Variants in CLCN3 observed in about 807,000 individuals in gnomAD.
The protein encoded by CLCN3 is H(+)/Cl(-) exchange transporter 3.
In CLCN3, 16 loss-of-function variants were observed where a neutral mutation model predicts 83.4. The observed-to-expected ratio is 0.19, with a 90% CI of 0.13 to 0.29. The LOEUF (loss-of-function observed/expected upper bound fraction) is 0.29, where lower values mean the gene tolerates loss of function less well. CLCN3 is among the 10% of genes least tolerant of loss of function. CLCN3 has a pLI of 1.00. For missense variants in CLCN3, 544 were observed against 1,006.0 expected, an observed-to-expected ratio of 0.54 and a Z score of 6.21; for synonymous variants, 322 against 346.2, an observed-to-expected ratio of 0.93 and a Z score of 0.78.
chr4:169,689,304 A>G, intron 5 of CLCN3, 74 bp downstream of exon 5: 4 of 1,274,992 alleles, frequency 3.1e-6, no homozygotes, highest in Non-Finnish European at 4.4e-6. Context: ...TAATTATAGA[A>G]CTAATCACAT....
chr4:169,712,349 T>TA (rs2150273873), intron 11 of CLCN3, among the ~76,000 whole-genome samples: 2 of 152,272 alleles, frequency 1.3e-5, no homozygotes, highest in South Asian at 4.2e-4. Flanking sequence ...ATTTTTTTTT[T>TA]ATCAGCAGTT....
intron 9 of CLCN3, among the ~76,000 whole-genome samples, chr4:169,699,997 G>T (rs368797969): frequency 9.7e-4 from 148 of 152,230 alleles, no homozygotes; most frequent in African/African-American, 3.3e-3. Flanking sequence ...CCTACAATAA[G>T]TAAGTGTTGG....
rs187507065 is a variant in CLCN3, at chr4:169,711,900, T to G, written c.2150-1179T>G. On this transcript the variant is annotated intron_variant, in intron 11 of 12. Transcript: ENST00000513761. ...TTCTTTTTGCGACAGAGTCTTGCTT[T>G]GTCACCCAGGCTGGAGTGTGGTGGT... Among the ~76,000 whole-genome samples the G allele has an allele frequency of 1.1e-3, 162 of 152,306 alleles. 1 individual carries two copies. The highest frequency in any genetic ancestry group is 8.1e-3 in the East Asian group (42 of 5,190).
chr4:169,645,002 C>A (rs114144160), intron 2 of CLCN3, among the ~76,000 whole-genome samples: 1,577 of 152,304 alleles, frequency 0.01, 30 homozygotes, highest in African/African-American at 0.036. Context: ...CCTGCTGACA[C>A]ACCTTGATCT....
chr4:169,719,319 T>A lies in CLCN3; in HGVS notation c.2367-588T>A, dbSNP rs1322123812. Among the ~76,000 whole-genome samples, 6 of 152,242 alleles carry A rather than the reference T, an allele frequency of 3.9e-5. No individual in the cohort carries two copies. In the East Asian group the frequency reaches 7.7e-4, roughly 20 times the overall value. ...GTCTCTACTGAAAATAATTGGGGCA[T>A]GGTGGCACATGCCTGTAATCCCAGC... On this transcript the variant is annotated intron_variant, in intron 12 of 12. Transcript: ENST00000513761.
Position 169,720,299 on chromosome 4 carries a change from C to T in CLCN3, c.*302C>T. The stretch of plus-strand genomic sequence containing the variant: ...TCAGCTGAGGATGTGCCTGATAGTG[C>T]AGGCTTGCGCCTCAACAGAGATGAC... On this transcript the variant is annotated 3_prime_UTR_variant, in exon 13 of 13. Transcript: ENST00000513761. 2.4e-6 allele frequency: 1 copy of T among 416,990 alleles called. No individual in the cohort carries two copies. Among genetic ancestry groups the T allele is most frequent in the South Asian group, 4.4e-5 (1 of 22,630 alleles). The allele number at this position is 416,990 out of a possible 1,614,324, so 25.8% of individuals were successfully genotyped here. A position where few individuals can be genotyped will look rare whatever the true frequency, so the allele number is the denominator to read the frequency against.
chr4:169,671,147 C>T (rs57406876), intron 2 of CLCN3, among the ~76,000 whole-genome samples: 1,952 of 152,148 alleles, frequency 0.013, 37 homozygotes, highest in African/African-American at 0.044. Flanking sequence ...CACATGCACA[C>T]GTATGTTTAT....
rs1283329784 is a variant in CLCN3, at chr4:169,723,536, C to T, written c.*3539C>T. 2.0e-5 allele frequency: 3 copies of T among 150,276 alleles called. No homozygotes were observed. The highest frequency in any genetic ancestry group is 4.9e-5 in the African/African-American group (2 of 40,818). The allele number at this position is 150,276 out of a possible 1,614,324, so 9.3% of individuals were successfully genotyped here. A position where few individuals can be genotyped will look rare whatever the true frequency, so the allele number is the denominator to read the frequency against. On this transcript the variant is annotated 3_prime_UTR_variant, in exon 13 of 13. Transcript: ENST00000513761. ...GCTATTTGCATGAAAAGAGGTAAAACGATTTATTTACATGTCTTTAAAAAA... is the reference window on the plus strand; with the variant it reads ...GCTATTTGCATGAAAAGAGGTAAAATGATTTATTTACATGTCTTTAAAAAA...
intron 1 of CLCN3, among the ~76,000 whole-genome samples, chr4:169,631,360 C>T (rs1017696292): frequency 2.0e-5 from 3 of 152,190 alleles, no homozygotes; most frequent in African/African-American, 7.2e-5. Flanking sequence ...AATCTCGGCT[C>T]ACTGCAAGCT....
intron 12 of CLCN3, chr4:169,718,007 GATAAA>G: frequency 1.9e-6 from 1 of 534,040 alleles, no homozygotes; most frequent in Non-Finnish European, 3.4e-6. Context: ...ATTTGTATCT[GATAAA>G]ATGTGTCTGT....
chr4:169,655,074 CTA>C (rs1329261936), intron 2 of CLCN3, among the ~76,000 whole-genome samples: 2 of 152,046 alleles, frequency 1.3e-5, no homozygotes, highest in East Asian at 1.9e-4. Flanking sequence ...TTAAATAACT[CTA>C]TTTCTAATTA....
chr4:169,684,458 A>T (rs1055427230), intron 3 of CLCN3, among the ~76,000 whole-genome samples: 2 of 152,106 alleles, frequency 1.3e-5, no homozygotes, highest in African/African-American at 4.8e-5. Flanking sequence ...CACTGTTATT[A>T]TTCTTATTGA....
At chr4:169,699,753 G>A (rs551617234) in intron 9 of CLCN3, among the ~76,000 whole-genome samples, 1 of 152,062 alleles carries the variant, frequency 6.6e-6, no homozygotes, top group Admixed American at 6.5e-5. Flanking sequence ...GTGGTGGCAG[G>A]TGTCTGTAAT....
At chr4:169,658,448 T>A (rs904257869) in intron 2 of CLCN3, among the ~76,000 whole-genome samples, 1 of 152,048 alleles carries the variant, frequency 6.6e-6, no homozygotes, top group Admixed American at 6.6e-5. Flanking sequence ...CGGGAAAACT[T>A]GTGGATAGAT....
intron 3 of CLCN3, among the ~76,000 whole-genome samples, chr4:169,683,420 G>C (rs562383516): frequency 6.6e-6 from 1 of 152,278 alleles, no homozygotes; most frequent in East Asian, 1.9e-4. Context: ...CCTTGAGCCT[G>C]GAAGTTCTAA....
At chr4:169,653,691 AG>A (rs752582345) in intron 2 of CLCN3, among the ~76,000 whole-genome samples, 167 of 151,024 alleles carry the variant, frequency 1.1e-3, no homozygotes, top group Admixed American at 2.4e-3. Context: ...CAGGCTGTAT[AG>A]GAAGCATAGT....
intron 2 of CLCN3, among the ~76,000 whole-genome samples, chr4:169,664,195 C>G (rs1391051042): frequency 1.3e-5 from 2 of 152,100 alleles, no homozygotes. Context: ...GTGGCAGATC[C>G]TAGAGGACTA....
At chr4:169,661,721 C>T (rs964734343) in intron 2 of CLCN3, among the ~76,000 whole-genome samples, 1 of 152,088 alleles carries the variant, frequency 6.6e-6, no homozygotes, top group Admixed American at 6.5e-5. Context: ...TATGTTAGAA[C>T]ATTTGGAAGA....
chr4:169,653,993 C>G (rs1730810723), intron 2 of CLCN3, among the ~76,000 whole-genome samples: 1 of 152,128 alleles, frequency 6.6e-6, no homozygotes, highest in South Asian at 2.1e-4. Context: ...GACAAAACAA[C>G]CAAACCATAT....
Sources: gnomAD v4.1 joint callset for allele counts (sites outside exome capture counted in the v4.1 genomes callset) on GRCh38, gnomAD v4.1.1 for gene constraint, MANE v1.5 for transcripts, NCBI Gene and HGNC (gene_info 2026-07-23, HGNC 2026-07-21) for gene names.